The following HEY1 variants were observed in gnomAD, a reference collection of about 807,000 sequenced individuals.
The protein encoded by HEY1 is hes related family bHLH transcription factor with YRPW motif 1.
In HEY1, 9 loss-of-function variants were observed where a neutral mutation model predicts 28.7. That is an observed-to-expected ratio of 0.31 (90% CI 0.19 to 0.55). HEY1 has a LOEUF of 0.55. Ranked by LOEUF, HEY1 falls within the 20% of genes least tolerant of loss-of-function variation. HEY1 has a pLI of 0.93. For synonymous variants in HEY1, 213 were observed against 175.6 expected (o/e 1.21, Z -1.68); for missense variants, 385 against 399.4 (o/e 0.96, Z 0.31).
Position 79,767,069 on chromosome 8 carries a change from G to T in HEY1, c.189C>A (p.Asp63Glu). The change falls in exon 3 of 5, where the codon GAC becomes GAA. Residue 63 changes from aspartate to glutamate, a missense_variant. Coordinates refer to ENST00000354724, the MANE Select transcript of HEY1 (RefSeq NM_012258.4). ...RRGIIEKRRR[D>E]RINNSLSELR... is the part of the protein sequence containing the mutation. ...GCTCAGACAAACTGTTATTGATCCG[G>T]TCTCGTCGGCGCTTCTCAATTATCT... The T allele has an allele frequency of 6.2e-7, 1 of 1,613,978 alleles. No individual in the cohort carries two copies. The highest frequency in any genetic ancestry group is 8.5e-7 in the Non-Finnish European group (1 of 1,179,960).
At chr8:79,766,497 C>A in intron 4 of HEY1, 154 bp downstream of exon 4, 1 of 1,508,030 alleles carries the variant, frequency 6.6e-7, no homozygotes, top group Non-Finnish European at 8.8e-7. Context: ...TATGTGCATT[C>A]GAAAATGTAC....
Position 79,764,090 on chromosome 8 carries a change from C to G in HEY1, c.*1098G>C. On this transcript the variant is annotated 3_prime_UTR_variant, in exon 5 of 5. Transcript: ENST00000354724. ...ACCCAGTTCAGTGGAGGTCGTTTAA[C>G]TACACCTGCTAAAAGAATAAACCTG... 5.3e-6 allele frequency: 1 copy of G among 188,962 alleles called. No individual in the cohort carries two copies. Among genetic ancestry groups the G allele is most frequent in the East Asian group, 8.5e-5 (1 of 11,722 alleles). The allele number at this position is 188,962 out of a possible 1,614,324, so 11.7% of individuals were successfully genotyped here. A position where few individuals can be genotyped will look rare whatever the true frequency, so the allele number is the denominator to read the frequency against.
chr8:79,766,079 A>C, intron 4 of HEY1: 1 of 763,808 alleles, frequency 1.3e-6, no homozygotes, highest in South Asian at 1.9e-5. Flanking sequence ...AAATACATCA[A>C]GGGCAGAGAA....
At chr8:79,767,327 A>T (rs1191575186) in intron 1 of HEY1, 33 bp from the exon 2 acceptor site, 2 of 1,578,536 alleles carry the variant, frequency 1.3e-6, no homozygotes, top group South Asian at 2.2e-5. Context: ...CAAAAACTGA[A>T]ATCGCCGTTA....
At position 79,765,618 on chromosome 8, in the gene HEY1, G is replaced by A. The variant is rs1292224059; in HGVS notation, c.485C>T (p.Ala162Val). Reference protein sequence around the residue: ...VRLVSHLNNYASQREAASGAH... With the variant: ...VRLVSHLNNYVSQREAASGAH... ...GCCGCTCGCGGCTTCCCGCTGGGAA[G>A]CGTAGTTGTTGAGATGCGAAACCAG... Residue 162 changes from alanine (A) to valine (V), a missense_variant, in exon 5 of 5, where the codon GCT becomes GTT. Transcript: ENST00000354724. The A allele has an allele frequency of 6.2e-7, 1 of 1,614,072 alleles. No individual in the cohort carries two copies. The highest frequency in any genetic ancestry group is 8.5e-7 in the Non-Finnish European group (1 of 1,180,052).
rs1422973151 is a variant in HEY1, at chr8:79,765,669, T to C, written c.434A>G (p.Asp145Gly). The C allele has an allele frequency of 3.1e-6, 5 of 1,614,100 alleles. No homozygotes were observed. The highest frequency in any genetic ancestry group is 4.2e-6 in the Non-Finnish European group (5 of 1,180,048). ...ARYLSIIEGL[D>G]ASDPLRVRLV... ...TCGAACTCGAAGCGGGTCAGAGGCA[T>C]CTAGTCCTTCAATGATGCTCAGATA... Residue 145 changes from aspartate to glycine, a missense_variant, in exon 5 of 5, where the codon GAT (aspartate) becomes GGT (glycine). This residue lies in a region of HEY1 where 223 missense variants were observed against 215.9 expected (regional missense o/e 1.03). Coordinates refer to ENST00000354724, the MANE Select transcript of HEY1 (RefSeq NM_012258.4).
chr8:79,766,849 A>T (rs1173717558), intron 3 of HEY1, 117 bp from the exon 4 acceptor site: 3 of 1,291,506 alleles, frequency 2.3e-6, no homozygotes, highest in Non-Finnish European at 3.3e-6. Context: ...CATGGACTAA[A>T]GCAAAATCAG....
chr8:79,767,059 T>A lies in HEY1; in HGVS notation c.199A>T (p.Asn67Tyr). 1.2e-6 allele frequency: 2 copies of A among 1,614,152 alleles called. No homozygotes were observed. Among genetic ancestry groups the A allele is most frequent in the Non-Finnish European group, 1.7e-6 (2 of 1,180,020 alleles). Reference sequence around the variant, plus strand: ...AGCCTTCTCAGCTCAGACAAACTGTTATTGATCCGGTCTCGTCGGCGCTTC... The same window carrying A: ...AGCCTTCTCAGCTCAGACAAACTGTAATTGATCCGGTCTCGTCGGCGCTTC... Reference protein sequence around the residue: ...IEKRRRDRINNSLSELRRLVP... With the variant: ...IEKRRRDRINYSLSELRRLVP... The change falls in exon 3 of 5, where the codon AAC (asparagine) becomes TAC (tyrosine). Residue 67 changes from asparagine to tyrosine, a missense_variant. Coordinates refer to ENST00000354724, the MANE Select transcript of HEY1 (RefSeq NM_012258.4).
intron 2 of HEY1, 45 bp from the exon 3 acceptor site, chr8:79,767,137 T>A: frequency 6.3e-7 from 1 of 1,588,990 alleles, no homozygotes. Context: ...CCATTACGAC[T>A]GTAAATTTCA....
At position 79,767,138 on chromosome 8, in the gene HEY1, G is replaced by A. The variant is rs754827386; in HGVS notation, c.166-46C>T. ...AAAGGAAGGCATTACCATTACGACT[G>A]TAAATTTCAAAGACAAAAAAAAAGG... On this transcript the variant is annotated intron_variant, in intron 2 of 4. Coordinates refer to ENST00000354724, the MANE Select transcript of HEY1 (RefSeq NM_012258.4). The A allele has an allele frequency of 2.5e-6, 4 of 1,584,392 alleles. No individual in the cohort carries two copies. The South Asian group carries it at 3.4e-5, about 13-fold the overall frequency.
chr8:79,766,648 T>C lies in HEY1; in HGVS notation c.331+3A>G. ...GAGCCCCCACTAGGTCTAGGAGATG[T>C]ACCTTTCCCTCCTGCCGTATGCAGC... On this transcript the variant is annotated splice_donor_region_variant and intron_variant, in intron 4 of 4. Coordinates refer to ENST00000354724, the MANE Select transcript of HEY1 (RefSeq NM_012258.4). 1 of 1,614,210 alleles carries C rather than the reference T, an allele frequency of 6.2e-7. No homozygotes were observed. The highest frequency in any genetic ancestry group is 8.5e-7 in the Non-Finnish European group (1 of 1,180,042).
intron 4 of HEY1, 150 bp downstream of exon 4, chr8:79,766,501 A>C: frequency 6.6e-7 from 1 of 1,510,084 alleles, no homozygotes; most frequent in East Asian, 2.3e-5. Context: ...TGCATTCGAA[A>C]ATGTACTGAC....
rs1563476556 is a variant in HEY1 at position 79,765,317 on chromosome 8, C to G, written c.786G>C (p.Ser262=). 7.7e-6 allele frequency: 12 copies of G among 1,563,570 alleles called. No homozygotes were observed. Among genetic ancestry groups the G allele is most frequent in the Non-Finnish European group, 9.5e-6 (11 of 1,153,134 alleles). ...AGGAGCCGAAAGAGAAGGGGAAGGC[C>G]GACAGGGAGGCCACTGAGGAGAGCA... ...PPLLSSVASL[S]AFPFSFGSFH... Residue 262 remains serine, a synonymous_variant, in exon 5 of 5, where the codon TCG becomes TCC. Transcript: ENST00000354724.
At chr8:79,767,420 T>G in intron 1 of HEY1, 126 bp from the exon 2 acceptor site, 1 of 1,128,666 alleles carries the variant, frequency 8.9e-7, no homozygotes, top group South Asian at 1.5e-5. Context: ...GGAAGGCACC[T>G]AGGGGTTCCC....
In HEY1 at chr8:79,764,634, T is replaced by C. The variant is rs1457797442; in HGVS notation, c.*554A>G. The C allele has an allele frequency of 2.7e-5, 6 of 223,902 alleles. No individual in the cohort carries two copies. In the East Asian group the frequency reaches 3.9e-4, roughly 15 times the overall value. 13.9% of individuals were successfully genotyped at this position (223,902 alleles called of 1,614,324 possible). A position where few individuals can be genotyped will look rare whatever the true frequency, so the allele number is the denominator to read the frequency against. ...CTTCTTTCTTGGATAAAGCTGATCA[T>C]CTGATTTGTCAACGCTTTGCTCAGA... On this transcript the variant is annotated 3_prime_UTR_variant, in exon 5 of 5. Coordinates refer to ENST00000354724, the MANE Select transcript of HEY1 (RefSeq NM_012258.4).
At chr8:79,766,863 T>C in intron 3 of HEY1, 131 bp from the exon 4 acceptor site, 1 of 1,226,414 alleles carries the variant, frequency 8.2e-7, no homozygotes, top group Non-Finnish European at 1.2e-6. Flanking sequence ...AAATCAGTTG[T>C]CTTCACAAAA....
Position 79,765,167 on chromosome 8 carries a change from C to T in HEY1, c.*21G>A. ...CAGCTGGGATTTTAAACTTTCCCCT[C>T]CCTCATTCTACATCAGTTCTTTAAA... On this transcript the variant is annotated 3_prime_UTR_variant, in exon 5 of 5. Coordinates refer to ENST00000354724, the MANE Select transcript of HEY1 (RefSeq NM_012258.4). 1.3e-6 allele frequency: 2 copies of T among 1,499,678 alleles called. No homozygotes were observed. The allele number at this position is 1,499,678 out of a possible 1,614,324, so 92.9% of individuals were successfully genotyped here. A position where few individuals can be genotyped will look rare whatever the true frequency, so the allele number is the denominator to read the frequency against.
chr8:79,767,134 G>A (rs1238911120), intron 2 of HEY1, 42 bp from the exon 3 acceptor site: 2 of 1,583,648 alleles, frequency 1.3e-6, no homozygotes, highest in Admixed American at 1.7e-5. Flanking sequence ...TTACCATTAC[G>A]ACTGTAAATT....
intron 1 of HEY1, 111 bp downstream of exon 1, chr8:79,767,464 G>A: frequency 8.5e-7 from 1 of 1,180,650 alleles, no homozygotes. Flanking sequence ...GCGACGCGCG[G>A]AGGTCAGCGC....
Sources: gnomAD v4.1 joint callset for allele counts on GRCh38, gnomAD v4.1.1 for gene constraint, gnomAD v4.1.1 regional missense constraint, MANE v1.5 for transcripts, NCBI Gene and HGNC (gene_info 2026-07-23, HGNC 2026-07-21) for gene names.